Variants in PDLIM5 observed in about 807,000 individuals in gnomAD.
PDLIM5 encodes the protein PDZ and LIM domain protein 5.
In PDLIM5, 34 loss-of-function variants were observed where a neutral mutation model predicts 64.2. That is an observed-to-expected ratio of 0.53 (90% CI 0.40 to 0.71). The LOEUF (loss-of-function observed/expected upper bound fraction) is 0.71. Ranked by LOEUF, PDLIM5 falls within the 30% of genes least tolerant of loss-of-function variation. PDLIM5 has a pLI of 0.00. For synonymous variants in PDLIM5, 253 were observed against 269.1 expected, an observed-to-expected ratio of 0.94 and a Z score of 0.59; for missense variants, 683 against 733.6, an observed-to-expected ratio of 0.93 and a Z score of 0.80.
chr4:94,513,616 G>C (rs1024621366), intron 2 of PDLIM5, among the ~76,000 whole-genome samples: 1 of 152,142 alleles, frequency 6.6e-6, no homozygotes, highest in Admixed American at 6.5e-5. Flanking sequence ...GTTTGTGTGC[G>C]TGTGTGTATT....
intron 3 of PDLIM5, among the ~76,000 whole-genome samples, chr4:94,554,454 A>G (rs963610254): frequency 1.3e-5 from 2 of 152,194 alleles, no homozygotes; most frequent in Non-Finnish European, 2.9e-5. Flanking sequence ...TCATTTATAT[A>G]TGTATATACA....
chr4:94,613,738 A>G (rs1410665595), intron 7 of PDLIM5, among the ~76,000 whole-genome samples: 2 of 152,144 alleles, frequency 1.3e-5, no homozygotes, highest in Admixed American at 1.3e-4. Context: ...CATTAGAATT[A>G]TTTAGAAAAC....
At chr4:94,646,734 A>G (rs1477918641) in intron 9 of PDLIM5, among the ~76,000 whole-genome samples, 1 of 152,192 alleles carries the variant, frequency 6.6e-6, no homozygotes, top group East Asian at 1.9e-4. Flanking sequence ...TGTACAACAA[A>G]TGTCCATTGA....
intron 2 of PDLIM5, among the ~76,000 whole-genome samples, chr4:94,479,052 A>G (rs1259068368): frequency 5.3e-5 from 8 of 150,618 alleles, no homozygotes; most frequent in African/African-American, 2.0e-4. Context: ...GGCATGTGCC[A>G]CCGGGGCTGG....
At chr4:94,610,520 G>T in intron 7 of PDLIM5, among the ~76,000 whole-genome samples, 1 of 152,118 alleles carries the variant, frequency 6.6e-6, no homozygotes, top group African/African-American at 2.4e-5. Flanking sequence ...CTCCACTGCT[G>T]CCATTTATGT....
chr4:94,481,117 C>T (rs945996421), intron 2 of PDLIM5, among the ~76,000 whole-genome samples: 1 of 152,080 alleles, frequency 6.6e-6, no homozygotes, highest in Admixed American at 6.6e-5. Flanking sequence ...TTTTCCTTTA[C>T]ATTTTTAAAT....
chr4:94,506,834 C>T (rs1299827717), intron 2 of PDLIM5, among the ~76,000 whole-genome samples: 1 of 152,098 alleles, frequency 6.6e-6, no homozygotes, highest in Non-Finnish European at 1.5e-5. Context: ...GGAAGACCCA[C>T]CCTCAATGTA....
chr4:94,487,584 G>A (rs1007090477), intron 2 of PDLIM5, among the ~76,000 whole-genome samples: 3 of 152,144 alleles, frequency 2.0e-5, no homozygotes, highest in Non-Finnish European at 2.9e-5. Flanking sequence ...ATATACATCC[G>A]AAAAGTCGCT....
chr4:94,653,335 C>T (rs1468794230), intron 9 of PDLIM5, among the ~76,000 whole-genome samples: 1 of 152,042 alleles, frequency 6.6e-6, no homozygotes, highest in Admixed American at 6.6e-5. Flanking sequence ...AGGAATGTTG[C>T]ATGGACAAAT....
rs766244431 is a variant in PDLIM5 at position 94,664,071 on chromosome 4, T to A, written c.*4T>A. 2 of 1,592,126 alleles carry A rather than the reference T, an allele frequency of 1.3e-6. No homozygotes were observed. Among genetic ancestry groups the A allele is most frequent in the South Asian group, 2.3e-5 (2 of 87,716 alleles). On this transcript the variant is annotated 3_prime_UTR_variant, in exon 13 of 13. Transcript: ENST00000317968. ...TGCTCATTCTGTGAATTTTTGAAAG[T>A]CAACAGTTCAGGAGAAGAGAAGGAA...
chr4:94,560,716 AC>A (rs1733760681), intron 3 of PDLIM5, among the ~76,000 whole-genome samples: 1 of 151,988 alleles, frequency 6.6e-6, no homozygotes, highest in South Asian at 2.1e-4. Context: ...CCAGGCTAAG[AC>A]TTAGATGTTT....
At chr4:94,465,966 T>TC (rs1021975441) in intron 2 of PDLIM5, among the ~76,000 whole-genome samples, 5 of 151,872 alleles carry the variant, frequency 3.3e-5, no homozygotes, top group Non-Finnish European at 7.4e-5. Flanking sequence ...CTTTTTTTTT[T>TC]CCCCTTTGTT....
intron 3 of PDLIM5, among the ~76,000 whole-genome samples, chr4:94,528,379 C>T (rs1033325337): frequency 6.6e-6 from 1 of 152,140 alleles, no homozygotes; most frequent in African/African-American, 2.4e-5. Context: ...AGGGCAATTC[C>T]ACGAGTCTTA....
At chr4:94,573,662 G>A (rs908146180) in intron 4 of PDLIM5, 1 of 446,932 alleles carries the variant, frequency 2.2e-6, no homozygotes. Context: ...CACTTTTGAT[G>A]AGCCCATCTT....
At chr4:94,583,595 T>G (rs1672959455) in intron 5 of PDLIM5, among the ~76,000 whole-genome samples, 1 of 152,194 alleles carries the variant, frequency 6.6e-6, no homozygotes, top group South Asian at 2.1e-4. Flanking sequence ...TTCTTAATTT[T>G]AAAACATTTT....
Position 94,666,182 on chromosome 4 carries a change from G to T in PDLIM5, c.*2115G>T. 1.7e-6 allele frequency: 1 copy of T among 582,628 alleles called. No individual in the cohort carries two copies. Among genetic ancestry groups the T allele is most frequent in the Non-Finnish European group, 2.9e-6 (1 of 346,916 alleles). The allele number at this position is 582,628 out of a possible 1,614,324, so 36.1% of individuals were successfully genotyped here. A position where few individuals can be genotyped will look rare whatever the true frequency, so the allele number is the denominator to read the frequency against. On this transcript the variant is annotated 3_prime_UTR_variant, in exon 13 of 13. Coordinates refer to ENST00000317968, the MANE Select transcript of PDLIM5 (RefSeq NM_006457.5). ...CATGTTTGTTATAGAGGAGGTTTTA[G>T]GCTACAATATTTGTTTAACCTCCCT...
chr4:94,643,100 A>T (rs1263948261), intron 9 of PDLIM5, among the ~76,000 whole-genome samples: 2 of 152,118 alleles, frequency 1.3e-5, no homozygotes, highest in African/African-American at 2.4e-5. Context: ...ATTGTTTTAG[A>T]AAACCTCAGG....
chr4:94,555,291 G>A (rs1056381260), intron 3 of PDLIM5, among the ~76,000 whole-genome samples: 3 of 152,180 alleles, frequency 2.0e-5, no homozygotes, highest in Non-Finnish European at 1.5e-5. Context: ...CTGACCTCAG[G>A]TGATCCGCCT....
intron 12 of PDLIM5, among the ~76,000 whole-genome samples, chr4:94,663,000 T>G (rs1315795684): frequency 6.6e-6 from 1 of 152,174 alleles, no homozygotes; most frequent in Non-Finnish European, 1.5e-5. Context: ...CTTTTCTTTT[T>G]GAGACTATGG....
Sources: allele counts gnomAD v4.1 joint callset (sites outside exome capture counted in the v4.1 genomes callset), GRCh38; gene constraint gnomAD v4.1.1; transcripts MANE v1.5; gene names NCBI Gene and HGNC (gene_info 2026-07-23, HGNC 2026-07-21).